The following FMNL2 variants were observed in gnomAD, a reference collection of about 807,000 sequenced individuals.
The protein encoded by FMNL2 is formin like 2.
Under a neutral mutation model 130.2 loss-of-function variants are expected in FMNL2, and 51 were observed. That is an observed-to-expected ratio of 0.39 (90% CI 0.31 to 0.49). The LOEUF (loss-of-function observed/expected upper bound fraction) is 0.49. FMNL2 is among the 20% of genes least tolerant of loss of function. The probability of loss-of-function intolerance (pLI) is 0.85; values close to 1 mark genes in which losing one functional copy is unlikely to be tolerated. For synonymous variants in FMNL2, 465 were observed against 467.1 expected (o/e 1.00, Z 0.06); for missense variants, 977 against 1,316.2 (o/e 0.74, Z 3.99).
At chr2:152,566,112 G>T (rs1695821773) in intron 6 of FMNL2, among the ~76,000 whole-genome samples, 1 of 152,166 alleles carries the variant, frequency 6.6e-6, no homozygotes, top group Non-Finnish European at 1.5e-5. Flanking sequence ...GGCATTTCAT[G>T]AATAGTCCTT....
At chr2:152,474,423 G>A (rs373446720) in intron 1 of FMNL2, among the ~76,000 whole-genome samples, 5 of 152,144 alleles carry the variant, frequency 3.3e-5, no homozygotes, top group African/African-American at 1.2e-4. Context: ...AGTGGCTCAC[G>A]CCTGTAATCC....
At chr2:152,347,688 T>C (rs1269850904) in intron 1 of FMNL2, among the ~76,000 whole-genome samples, 3 of 152,236 alleles carry the variant, frequency 2.0e-5, no homozygotes, top group Admixed American at 6.5e-5. Context: ...TCTTGAAATA[T>C]TAAAAGGTAT....
At position 152,599,405 on chromosome 2, in the gene FMNL2, CTTTTTTTTTTTTT is replaced by C. The variant is rs35753197; in HGVS notation, c.877-7914_877-7902del. On this transcript the variant is annotated intron_variant, in intron 9 of 25. Coordinates refer to ENST00000288670, the MANE Select transcript of FMNL2 (RefSeq NM_052905.4). ...CTCTCTAGAATTTATTGAAGGTCAT[CTTTTTTTTTTTTT>C]TTTTTTTTTTTTTTTTTTTAGAGAG... 5.5e-4 allele frequency among the ~76,000 whole-genome samples: 25 copies of C among 45,088 alleles called. No individual in the cohort carries two copies. In the South Asian group the frequency reaches 7.9e-3, roughly 14 times the overall value. 29.6% of individuals were successfully genotyped at this position (45,088 alleles called of 152,430 possible).
chr2:152,357,124 TCA>T (rs1293913451), intron 1 of FMNL2, among the ~76,000 whole-genome samples: 1 of 131,138 alleles, frequency 7.6e-6, no homozygotes, highest in Non-Finnish European at 1.6e-5. Flanking sequence ...AAATATTACA[TCA>T]GTTTAATGTA....
chr2:152,369,990 G>C lies in FMNL2; in HGVS notation c.117+34270G>C, dbSNP rs552009422. 6.6e-5 allele frequency among the ~76,000 whole-genome samples: 10 copies of C among 152,250 alleles called. No individual in the cohort carries two copies. The East Asian group carries it at 1.7e-3, about 26-fold the overall frequency. ...TGGGGAATAGGGTATGAAGCCTATA[G>C]GGAAGAAGGGTGGATGGAGAGGCAC... On this transcript the variant is annotated intron_variant, in intron 1 of 25. Transcript: ENST00000288670.
intron 1 of FMNL2, among the ~76,000 whole-genome samples, chr2:152,365,395 TGTG>T (rs71394475): frequency 0.078 from 11,870 of 152,156 alleles, 495 homozygotes; most frequent in African/African-American, 0.1. Flanking sequence ...CAAGAGAAGT[TGTG>T]GTCAAACTTA....
At chr2:152,446,657 T>C (rs573855891) in intron 1 of FMNL2, among the ~76,000 whole-genome samples, 1 of 152,334 alleles carries the variant, frequency 6.6e-6, no homozygotes, top group Admixed American at 6.5e-5. Flanking sequence ...AAGAATGTAA[T>C]GGATGATCTA....
At chr2:152,629,775 G>T in intron 19 of FMNL2, 50 bp from the exon 20 acceptor site, 1 of 1,605,292 alleles carries the variant, frequency 6.2e-7, no homozygotes, top group Non-Finnish European at 8.5e-7. Flanking sequence ...GCTGCGTTCA[G>T]TGCCTGATGT....
intron 1 of FMNL2, chr2:152,390,418 G>T: frequency 2.7e-6 from 3 of 1,130,586 alleles, no homozygotes; most frequent in Non-Finnish European, 4.1e-6. Flanking sequence ...TTGGTGTCCA[G>T]TGACCCTAAG....
chr2:152,373,660 A>G (rs538742803), intron 1 of FMNL2, among the ~76,000 whole-genome samples: 2 of 152,310 alleles, frequency 1.3e-5, no homozygotes, highest in South Asian at 4.1e-4. Context: ...TGTGGATTCA[A>G]CGTAGTACTT....
intron 2 of FMNL2, among the ~76,000 whole-genome samples, chr2:152,534,564 C>CTTTTTTTTTTTTTTTTTTT (rs10719527): frequency 7.6e-6 from 1 of 131,574 alleles, no homozygotes; most frequent in Non-Finnish European, 1.6e-5. Flanking sequence ...CTTATTTTGT[C>CTTTTTTTTTTTTTTTTTTT]TTTTTTTTTT....
chr2:152,623,989 G>C (rs1681556675), intron 15 of FMNL2, among the ~76,000 whole-genome samples: 1 of 145,788 alleles, frequency 6.9e-6, no homozygotes, highest in South Asian at 2.2e-4. Flanking sequence ...TCAAAATGAA[G>C]GGCAAGGGAC....
intron 1 of FMNL2, among the ~76,000 whole-genome samples, chr2:152,371,200 C>CAA (rs1184501789): frequency 6.6e-6 from 1 of 152,174 alleles, no homozygotes; most frequent in African/African-American, 2.4e-5. Flanking sequence ...GCTGATAACA[C>CAA]AAGTCAGCCC....
At chr2:152,507,181 G>A (rs1692219232) in intron 1 of FMNL2, among the ~76,000 whole-genome samples, 1 of 152,212 alleles carries the variant, frequency 6.6e-6, no homozygotes, top group Admixed American at 6.5e-5. Context: ...GCTTGGGGGT[G>A]CCTTGGCACT....
chr2:152,348,716 G>A (rs1181364254), intron 1 of FMNL2, among the ~76,000 whole-genome samples: 3 of 150,712 alleles, frequency 2.0e-5, no homozygotes, highest in Non-Finnish European at 3.0e-5. Context: ...TTTCTTTTTT[G>A]TTGGAGTGAG....
At chr2:152,495,559 A>C (rs1463981715) in intron 1 of FMNL2, among the ~76,000 whole-genome samples, 2 of 145,126 alleles carry the variant, frequency 1.4e-5, no homozygotes, top group African/African-American at 5.0e-5. Context: ...CTGAGGCACG[A>C]AAATCCGTTG....
chr2:152,462,132 G>A (rs1689284594), intron 1 of FMNL2, among the ~76,000 whole-genome samples: 1 of 152,078 alleles, frequency 6.6e-6, no homozygotes, highest in South Asian at 2.1e-4. Context: ...CAAAGTGTTG[G>A]GATTACATGT....
rs201540295 is a variant in FMNL2, at chr2:152,637,715, T to C, written c.2946+41T>C. 891 of 1,556,482 alleles carry C rather than the reference T, an allele frequency of 5.7e-4. 1 individual carries two copies. The highest frequency in any genetic ancestry group is 3.9e-4 in the Non-Finnish European group (439 of 1,129,538). On this transcript the variant is annotated intron_variant, in intron 23 of 25. Transcript: ENST00000288670. ...CTCCTTGCCCTTATTTCTCAAGCAATTGCCCTCCTTGAGATGTGTCTGAGT... is the reference window on the plus strand; with the variant it reads ...CTCCTTGCCCTTATTTCTCAAGCAACTGCCCTCCTTGAGATGTGTCTGAGT...
intron 1 of FMNL2, among the ~76,000 whole-genome samples, chr2:152,442,487 A>G (rs13011152): frequency 0.46 from 69,682 of 151,794 alleles, 18,707 homozygotes; most frequent in African/African-American, 0.72. Context: ...GACCTCAGGT[A>G]ATCCACCCAC....
Sources: allele counts gnomAD v4.1 joint callset (sites outside exome capture counted in the v4.1 genomes callset), GRCh38; gene constraint gnomAD v4.1.1; transcripts MANE v1.5; gene names NCBI Gene and HGNC (gene_info 2026-07-23, HGNC 2026-07-21).